KLF12: variants seen among roughly 807,000 people sequenced by gnomAD.
The protein encoded by KLF12 is Krueppel-like factor 12.
In KLF12, 9 loss-of-function variants were observed where a neutral mutation model predicts 37.8. The ratio of observed to expected loss-of-function variants is 0.24; its 90% CI spans 0.14 to 0.42. The LOEUF is 0.42. KLF12 is among the 10% of genes least tolerant of loss of function. The pLI, the probability that KLF12 is intolerant of heterozygous loss-of-function variation, is 1.00. For synonymous variants in KLF12, 208 were observed against 202.1 expected, an observed-to-expected ratio of 1.03 and a Z score of -0.25; for missense variants, 411 against 516.0, an observed-to-expected ratio of 0.80 and a Z score of 1.97.
At chr13:74,241,634 G>A in the KLF12 span, among the ~76,000 whole-genome samples, 2 of 152,236 alleles carry the variant, frequency 1.3e-5, no homozygotes, top group Non-Finnish European at 2.9e-5. Flanking sequence ...CAAGCCAGGT[G>A]CCGGATATAA....
chr13:73,919,400 C>G (rs973884747), intron 3 of KLF12, among the ~76,000 whole-genome samples: 4 of 152,170 alleles, frequency 2.6e-5, no homozygotes, highest in Non-Finnish European at 5.9e-5. Flanking sequence ...CTAGACTGCA[C>G]AGAGACAACC....
At chr13:74,018,949 C>T (rs1892769795) in intron 1 of KLF12, among the ~76,000 whole-genome samples, 1 of 152,092 alleles carries the variant, frequency 6.6e-6, no homozygotes, top group Admixed American at 6.6e-5. Context: ...TTATCTTTTA[C>T]TGATGAAAAC....
intron 6 of KLF12, among the ~76,000 whole-genome samples, chr13:73,724,211 A>T (rs1426499690): frequency 4.6e-5 from 7 of 151,978 alleles, no homozygotes; most frequent in Admixed American, 4.6e-4. Context: ...CTATGCAGCC[A>T]TAAAAAAATG....
chr13:73,819,238 C>T (rs548405427), intron 4 of KLF12, among the ~76,000 whole-genome samples: 2 of 152,280 alleles, frequency 1.3e-5, no homozygotes, highest in South Asian at 2.1e-4. Flanking sequence ...TCTTCTCCTG[C>T]TACTGCTGCT....
chr13:73,848,244 A>G (rs1456979931), intron 3 of KLF12, among the ~76,000 whole-genome samples: 1 of 152,192 alleles, frequency 6.6e-6, no homozygotes, highest in African/African-American at 2.4e-5. Context: ...AGTAAAGAGT[A>G]CATCACTGCA....
chr13:74,243,030 G>A, the KLF12 span, among the ~76,000 whole-genome samples: 2 of 152,312 alleles, frequency 1.3e-5, no homozygotes, highest in East Asian at 3.9e-4. Context: ...ATGGTGGGTT[G>A]CTGCACTATC....
chr13:74,029,616 T>C (rs1295302647), intron 1 of KLF12, among the ~76,000 whole-genome samples: 1 of 152,082 alleles, frequency 6.6e-6, no homozygotes, highest in Admixed American at 6.6e-5. Flanking sequence ...GGTTTAGGCA[T>C]CCAGGGTACC....
chr13:74,217,680 T>C, the KLF12 span, among the ~76,000 whole-genome samples: 18 of 152,186 alleles, frequency 1.2e-4, no homozygotes, highest in Admixed American at 6.5e-5. Flanking sequence ...TGAGCCGAGA[T>C]TGCGCCACCG....
the KLF12 span, among the ~76,000 whole-genome samples, chr13:74,299,670 AGAG>A: frequency 1.3e-5 from 2 of 152,206 alleles, no homozygotes; most frequent in African/African-American, 4.8e-5. Context: ...GAACTGCCAT[AGAG>A]AGTTTTGATG....
At chr13:74,021,068 GT>G (rs1235287609) in intron 1 of KLF12, among the ~76,000 whole-genome samples, 1 of 152,146 alleles carries the variant, frequency 6.6e-6, no homozygotes, top group Non-Finnish European at 1.5e-5. Flanking sequence ...AGAAAAGGTG[GT>G]TTCATGTAAA....
At chr13:73,846,629 C>T (rs1885039636) in intron 3 of KLF12, among the ~76,000 whole-genome samples, 1 of 152,094 alleles carries the variant, frequency 6.6e-6, no homozygotes, top group South Asian at 2.1e-4. Context: ...TATTAAAATA[C>T]TATGAAATCA....
chr13:73,814,949 G>A (rs1440143165), intron 4 of KLF12, among the ~76,000 whole-genome samples: 1 of 151,860 alleles, frequency 6.6e-6, no homozygotes, highest in Admixed American at 6.6e-5. Context: ...CACAGTTTAT[G>A]ACTTTCAGTT....
At chr13:74,229,330 A>G in the KLF12 span, among the ~76,000 whole-genome samples, 5 of 152,202 alleles carry the variant, frequency 3.3e-5, no homozygotes, top group Non-Finnish European at 7.3e-5. Context: ...ATTCCTAAAG[A>G]GTTAAATCCT....
intron 4 of KLF12, among the ~76,000 whole-genome samples, chr13:73,818,817 AG>A (rs1424602506): frequency 1.3e-5 from 2 of 152,212 alleles, no homozygotes; most frequent in African/African-American, 4.8e-5. Flanking sequence ...CAGGCGCCAC[AG>A]GGCTGATGGA....
chr13:73,696,485 G>A (rs1022428679), intron 7 of KLF12, among the ~76,000 whole-genome samples: 3 of 152,142 alleles, frequency 2.0e-5, no homozygotes, highest in African/African-American at 7.2e-5. Context: ...AGCTCCCAGG[G>A]GGAGTGGGAC....
intron 5 of KLF12, among the ~76,000 whole-genome samples, chr13:73,781,838 T>TC (rs1228309114): frequency 6.6e-6 from 1 of 151,882 alleles, no homozygotes; most frequent in Non-Finnish European, 1.5e-5. Flanking sequence ...AATGCCACAA[T>TC]TAAAAAAAAG....
At chr13:74,280,295 A>T in the KLF12 span, among the ~76,000 whole-genome samples, 2 of 152,152 alleles carry the variant, frequency 1.3e-5, no homozygotes, top group African/African-American at 4.8e-5. Context: ...TGGTCTAATG[A>T]TCTTTTTGGG....
intron 5 of KLF12, among the ~76,000 whole-genome samples, chr13:73,774,719 T>C (rs1235974666): frequency 4.6e-5 from 7 of 152,192 alleles, no homozygotes; most frequent in Non-Finnish European, 4.4e-5. Flanking sequence ...AATAAAATAA[T>C]TTTCAAGTGC....
intron 1 of KLF12, among the ~76,000 whole-genome samples, chr13:74,071,011 T>C (rs1227849565): frequency 2.6e-5 from 4 of 152,128 alleles, no homozygotes; most frequent in African/African-American, 9.7e-5. Context: ...CATTACCAAA[T>C]AGAACTCAAA....
Sources: gnomAD v4.1 joint callset for allele counts (sites outside exome capture counted in the v4.1 genomes callset) on GRCh38, gnomAD v4.1.1 for gene constraint, MANE v1.5 for transcripts, NCBI Gene and HGNC (gene_info 2026-07-23, HGNC 2026-07-21) for gene names.